Variants in CAMTA1 observed in about 807,000 individuals in gnomAD.
CAMTA1 encodes the protein calmodulin binding transcription activator 1, also known as calmodulin-binding transcription activator 1.
Under a neutral mutation model 170.9 loss-of-function variants are expected in CAMTA1, and 27 were observed. That is an observed-to-expected ratio of 0.16 (90% CI 0.12 to 0.22). The LOEUF (loss-of-function observed/expected upper bound fraction) is 0.22. Ranked by LOEUF, CAMTA1 falls within the 10% of genes least tolerant of loss-of-function variation. The pLI, the probability that CAMTA1 is intolerant of heterozygous loss-of-function variation, is 1.00. For synonymous variants in CAMTA1, 833 were observed against 891.5 expected, an observed-to-expected ratio of 0.93 and a Z score of 1.17; for missense variants, 1,619 against 2,217.2, an observed-to-expected ratio of 0.73 and a Z score of 5.42.
intron 11 of CAMTA1, among the ~76,000 whole-genome samples, chr1:7,703,745 G>A (rs1397152200): frequency 6.6e-6 from 1 of 152,182 alleles, no homozygotes; most frequent in Non-Finnish European, 1.5e-5. Context: ...CACAGGTCTT[G>A]GGGTCAGGCA....
intron 1 of CAMTA1, among the ~76,000 whole-genome samples, chr1:6,816,273 TC>T (rs1173458455): frequency 6.6e-6 from 1 of 152,182 alleles, no homozygotes; most frequent in Non-Finnish European, 1.5e-5. Flanking sequence ...CCATTTCATT[TC>T]CTTTATAGGA....
chr1:6,869,149 G>A (rs1236006529), intron 3 of CAMTA1, among the ~76,000 whole-genome samples: 1 of 152,208 alleles, frequency 6.6e-6, no homozygotes, highest in Non-Finnish European at 1.5e-5. Flanking sequence ...TCATAGTCAT[G>A]AGCTGACTGT....
chr1:7,050,928 C>A lies in CAMTA1; in HGVS notation c.235-40376C>A, dbSNP rs72640029. Reference sequence around the variant, plus strand: ...ACTGCAGGGAGCAGCGCTGGAAGCCCGGCCCTCTGTACTGTGTGTTCCCAG... The same window carrying A: ...ACTGCAGGGAGCAGCGCTGGAAGCCAGGCCCTCTGTACTGTGTGTTCCCAG... On this transcript the variant is annotated intron_variant, in intron 3 of 22. Transcript: ENST00000303635. This position sits in a 1 kb window ranked among gnomAD's most constrained non-coding sequence, Gnocchi z 4.8. Among the ~76,000 whole-genome samples, 3 of 152,230 alleles carry A rather than the reference C, an allele frequency of 2.0e-5. No individual in the cohort carries two copies. The East Asian group carries it at 5.8e-4, about 29-fold the overall frequency.
intron 4 of CAMTA1, among the ~76,000 whole-genome samples, chr1:7,136,268 G>T (rs1013281140): frequency 2.6e-5 from 4 of 152,206 alleles, no homozygotes; most frequent in African/African-American, 4.8e-5. Flanking sequence ...CATGCTCCCA[G>T]CAGCATGGCT....
At chr1:6,865,742 G>C (rs1557725178) in intron 3 of CAMTA1, among the ~76,000 whole-genome samples, 1 of 152,174 alleles carries the variant, frequency 6.6e-6, no homozygotes, top group South Asian at 2.1e-4. Flanking sequence ...GGATGTTACT[G>C]TTCTCATGTT....
intron 21 of CAMTA1, among the ~76,000 whole-genome samples, chr1:7,754,396 G>A (rs1026929920): frequency 1.8e-4 from 28 of 152,144 alleles, no homozygotes; most frequent in African/African-American, 6.5e-4. Context: ...TGTGGGTAAC[G>A]TGGGAGCAAA....
At chr1:7,507,086 A>C (rs2094128405) in intron 6 of CAMTA1, among the ~76,000 whole-genome samples, 1 of 151,808 alleles carries the variant, frequency 6.6e-6, no homozygotes, top group South Asian at 2.1e-4. Context: ...GACACTCAAA[A>C]TTCACACCCA....
chr1:7,301,448 T>C (rs144427386), intron 5 of CAMTA1, among the ~76,000 whole-genome samples: 2 of 152,326 alleles, frequency 1.3e-5, no homozygotes, highest in East Asian at 3.9e-4. Flanking sequence ...AGGAGTCTTA[T>C]AGTTTCCCAG....
At position 7,435,288 on chromosome 1, in the gene CAMTA1, C is replaced by G. The variant is rs1258198795; in HGVS notation, c.439-32542C>G. 2.0e-5 allele frequency among the ~76,000 whole-genome samples: 3 copies of G among 152,134 alleles called. No individual in the cohort carries two copies. Among genetic ancestry groups the G allele is most frequent in the Non-Finnish European group, 2.9e-5 (2 of 68,024 alleles). On this transcript the variant is annotated intron_variant, in intron 5 of 22. Transcript: ENST00000303635. The surrounding 1 kb of genome is among the most constrained non-coding windows in gnomAD (Gnocchi z 4.4). ...TGAGCTCACAGTCCAGTGGGGAGAT[C>G]AGGCCCCAGGCTGCCTTTATTCTCA...
At chr1:7,655,312 TTATACACACC>T (rs2095887184) in intron 7 of CAMTA1, among the ~76,000 whole-genome samples, 1 of 97,018 alleles carries the variant, frequency 1.0e-5, no homozygotes, top group Non-Finnish European at 2.1e-5. Context: ...ACACACACCG[TTATACACACC>T]TATACACACA....
chr1:7,754,425 C>G (rs1374359821), intron 21 of CAMTA1, among the ~76,000 whole-genome samples: 1 of 152,206 alleles, frequency 6.6e-6, no homozygotes, highest in Non-Finnish European at 1.5e-5. Context: ...AAGTCCTACA[C>G]TCATCTCCCT....
intron 6 of CAMTA1, among the ~76,000 whole-genome samples, chr1:7,502,627 T>TG (rs1293888517): frequency 3.3e-5 from 5 of 151,732 alleles, no homozygotes; most frequent in Middle Eastern, 3.4e-3. Context: ...GGTCGAGGAG[T>TG]GGGGGGGCCT....
At chr1:7,718,106 G>A (rs2096624443) in intron 11 of CAMTA1, among the ~76,000 whole-genome samples, 2 of 151,976 alleles carry the variant, frequency 1.3e-5, no homozygotes, top group Non-Finnish European at 1.5e-5. Flanking sequence ...TATCGTGTTG[G>A]GTTTTTGTAG....
intron 4 of CAMTA1, among the ~76,000 whole-genome samples, chr1:7,244,866 C>T (rs1467141674): frequency 3.3e-5 from 5 of 151,910 alleles, no homozygotes; most frequent in Non-Finnish European, 1.5e-5. Flanking sequence ...ACGTTGTGCA[C>T]ATGTACCCTA....
intron 5 of CAMTA1, among the ~76,000 whole-genome samples, chr1:7,451,147 A>G (rs2092814736): frequency 6.6e-6 from 1 of 152,134 alleles, no homozygotes; most frequent in Non-Finnish European, 1.5e-5. Context: ...CCATTAAAGC[A>G]CTGAGCCAGC....
intron 6 of CAMTA1, among the ~76,000 whole-genome samples, chr1:7,531,350 A>G (rs1016871645): frequency 3.3e-5 from 5 of 152,152 alleles, no homozygotes; most frequent in Non-Finnish European, 7.3e-5. Flanking sequence ...AAATGGGCTG[A>G]GTCATCACAG....
Position 7,580,559 on chromosome 1 carries a change from G to T in CAMTA1, c.511-59841G>T, listed in dbSNP as rs17031150. 0.038 allele frequency among the ~76,000 whole-genome samples: 5,779 copies of T among 152,062 alleles called. 391 individuals are homozygous for T. Among genetic ancestry groups the T allele is most frequent in the African/African-American group, 0.13 (5,402 of 41,428 alleles). On this transcript the variant is annotated intron_variant, in intron 6 of 22. Transcript: ENST00000303635. This position sits in a 1 kb window ranked among gnomAD's most constrained non-coding sequence, Gnocchi z 4.3. ...GGTGGCAGACAGGACACCCGCACAT[G>T]GAGGAACCACTAACAAGTGCCAAGC...
rs915371107 is a variant in CAMTA1 at position 7,248,787 on chromosome 1, T to A, written c.303-704T>A. Among the ~76,000 whole-genome samples the A allele has an allele frequency of 4.6e-5, 7 of 152,128 alleles. No individual in the cohort carries two copies. Among genetic ancestry groups the A allele is most frequent in the African/African-American group, 1.7e-4 (7 of 41,426 alleles). ...ATCACACGAATGACCATCTAACTCT[T>A]AGCATTTAGGGAGCAAGCCGCTATT... On this transcript the variant is annotated intron_variant, in intron 4 of 22. Coordinates refer to ENST00000303635, the MANE Select transcript of CAMTA1 (RefSeq NM_015215.4). The surrounding 1 kb of genome is among the most constrained non-coding windows in gnomAD (Gnocchi z 4.0).
chr1:7,069,581 C>T (rs1053018277), intron 3 of CAMTA1, among the ~76,000 whole-genome samples: 1 of 152,104 alleles, frequency 6.6e-6, no homozygotes, highest in Admixed American at 6.5e-5. Flanking sequence ...GTCCCAGGGA[C>T]CACAGGGTCT....
Sources: gnomAD v4.1 joint callset for allele counts (sites outside exome capture counted in the v4.1 genomes callset) on GRCh38, gnomAD v4.1.1 for gene constraint, Gnocchi (gnomAD v3.1) non-coding constraint, MANE v1.5 for transcripts, NCBI Gene and HGNC (gene_info 2026-07-23, HGNC 2026-07-21) for gene names.